The following CNTN5 variants were observed in gnomAD, a reference collection of about 807,000 sequenced individuals.
CNTN5 encodes contactin-5.
In CNTN5, 77 loss-of-function variants were observed where a neutral mutation model predicts 129.1. The observed-to-expected ratio is 0.60, with a 90% CI of 0.50 to 0.72. The LOEUF is 0.72. Among genes scored for constraint, CNTN5 ranks in the 30% least tolerant of loss-of-function variants. The pLI is 0.00. For missense variants in CNTN5, 1,478 were observed against 1,328.8 expected (o/e 1.11, Z -1.75); for synonymous variants, 509 against 465.6 (o/e 1.09, Z -1.20).
chr11:99,580,600 T>G (rs1043239016), intron 3 of CNTN5, among the ~76,000 whole-genome samples: 3 of 152,232 alleles, frequency 2.0e-5, no homozygotes, highest in African/African-American at 7.2e-5. Context: ...TCTTCTAGAT[T>G]TTCTAGTTTA....
intron 1 of CNTN5, among the ~76,000 whole-genome samples, chr11:99,233,654 T>A (rs1418176093): frequency 6.6e-6 from 1 of 152,160 alleles, no homozygotes; most frequent in East Asian, 1.9e-4. Context: ...GTGTATTAAA[T>A]AATTTGTTTT....
rs112298340 is a variant in CNTN5 at position 100,245,640 on chromosome 11, T to C, written c.2006-10120T>C. On this transcript the variant is annotated intron_variant, in intron 16 of 24. Coordinates refer to ENST00000524871, the MANE Select transcript of CNTN5 (RefSeq NM_014361.4). Reference sequence around the variant, plus strand: ...TACCTCGAAATTCATTTTCAATCAATAAAAATATTATTTGCCCCTGCTCAT... The same window carrying C: ...TACCTCGAAATTCATTTTCAATCAACAAAAATATTATTTGCCCCTGCTCAT... Among the ~76,000 whole-genome samples, 691 of 152,258 alleles carry C rather than the reference T, an allele frequency of 4.5e-3. 3 individuals are homozygous for C. Among genetic ancestry groups the C allele is most frequent in the Admixed American group, 8.0e-3 (123 of 15,282 alleles).
chr11:99,484,612 A>T (rs1001210178), intron 2 of CNTN5, among the ~76,000 whole-genome samples: 3 of 152,160 alleles, frequency 2.0e-5, no homozygotes, highest in Admixed American at 1.3e-4. Flanking sequence ...ACAACAACCC[A>T]TTTATGTTCA....
intron 2 of CNTN5, among the ~76,000 whole-genome samples, chr11:99,526,460 T>C (rs932510585): frequency 3.3e-5 from 5 of 152,156 alleles, no homozygotes; most frequent in African/African-American, 1.2e-4. Flanking sequence ...AGAGATGAAA[T>C]AGTTTTATGC....
chr11:99,576,102 A>G (rs1442650252), intron 3 of CNTN5, among the ~76,000 whole-genome samples: 4 of 152,226 alleles, frequency 2.6e-5, no homozygotes, highest in Non-Finnish European at 4.4e-5. Context: ...CAAAACAAAA[A>G]TAGAAACAAA....
intron 2 of CNTN5, among the ~76,000 whole-genome samples, chr11:99,345,682 T>C (rs183147438): frequency 9.2e-5 from 14 of 152,348 alleles, no homozygotes; most frequent in African/African-American, 3.1e-4. Context: ...ATGTTAAGAA[T>C]GATATGCTTG....
intron 8 of CNTN5, among the ~76,000 whole-genome samples, chr11:99,960,522 C>T (rs1591484630): frequency 6.6e-6 from 1 of 151,998 alleles, no homozygotes; most frequent in Admixed American, 6.6e-5. Context: ...GGTTTTTAAG[C>T]CACTTCCTAG....
chr11:99,276,820 TAGTC>T (rs1405804609), intron 1 of CNTN5, among the ~76,000 whole-genome samples: 4 of 151,584 alleles, frequency 2.6e-5, no homozygotes, highest in Non-Finnish European at 4.4e-5. Flanking sequence ...TGTCATAATT[TAGTC>T]ATTCTATCAC....
Position 99,819,551 on chromosome 11 carries a change from A to G in CNTN5, c.63A>G (p.Ser21=), listed in dbSNP as rs769441323. The G allele has an allele frequency of 1.2e-6, 2 of 1,610,292 alleles. No individual in the cohort carries two copies. Among genetic ancestry groups the G allele is most frequent in the Non-Finnish European group, 8.5e-7 (1 of 1,177,842 alleles). Residue 21 remains serine (S), a synonymous_variant, in exon 4 of 25, where the codon TCA becomes TCG. Transcript: ENST00000524871. ...ATATTTTTTCTCTTACAGAGTATTC[A>G]AAATCTCTTCCTGGTCTCTCCACTT... ...LSVTMCLSEY[S]KSLPGLSTSY...
chr11:99,348,881 C>A (rs536807371), intron 2 of CNTN5, among the ~76,000 whole-genome samples: 30 of 152,318 alleles, frequency 2.0e-4, no homozygotes, highest in Middle Eastern at 3.4e-3. Context: ...TGTGTTCAAT[C>A]ATTGATACGT....
chr11:99,672,383 G>C (rs1002991043), intron 3 of CNTN5, among the ~76,000 whole-genome samples: 1 of 151,884 alleles, frequency 6.6e-6, no homozygotes, highest in Non-Finnish European at 1.5e-5. Context: ...TGGGCTCACT[G>C]TAGATAGGTG....
At chr11:99,174,980 T>G (rs1185137036) in intron 1 of CNTN5, among the ~76,000 whole-genome samples, 1 of 152,124 alleles carries the variant, frequency 6.6e-6, no homozygotes, top group Non-Finnish European at 1.5e-5. Flanking sequence ...ATGCCTGTAA[T>G]TCCAGTGCTT....
intron 18 of CNTN5, among the ~76,000 whole-genome samples, chr11:100,284,321 A>G (rs1232652801): frequency 2.6e-5 from 4 of 152,224 alleles, no homozygotes; most frequent in Non-Finnish European, 5.9e-5. Flanking sequence ...CTATTCTGCC[A>G]TCTTGCTCTG....
chr11:99,587,624 GAT>G (rs1273570831), intron 3 of CNTN5, among the ~76,000 whole-genome samples: 16 of 151,618 alleles, frequency 1.1e-4, no homozygotes, highest in Admixed American at 1.0e-3. Context: ...GAATTTGAAA[GAT>G]GTGTGTGGGA....
chr11:100,336,879 G>A, intron 21 of CNTN5: 1 of 525,312 alleles, frequency 1.9e-6, no homozygotes, highest in Non-Finnish European at 3.4e-6. Context: ...GGATTTGAAA[G>A]CTATAGCAGC....
At chr11:99,826,326 G>A (rs777520593) in intron 4 of CNTN5, among the ~76,000 whole-genome samples, 2 of 152,050 alleles carry the variant, frequency 1.3e-5, no homozygotes, top group Non-Finnish European at 2.9e-5. Context: ...CACTTTCCCT[G>A]GGAATAGCTT....
intron 3 of CNTN5, among the ~76,000 whole-genome samples, chr11:99,782,014 T>C (rs1356484909): frequency 6.6e-6 from 1 of 150,726 alleles, no homozygotes. Flanking sequence ...AGGTATTCAA[T>C]TAGGAAAAGA....
chr11:99,371,883 G>A (rs931708468), intron 2 of CNTN5, among the ~76,000 whole-genome samples: 5 of 152,102 alleles, frequency 3.3e-5, no homozygotes, highest in African/African-American at 1.2e-4. Context: ...GTTTAAACAG[G>A]CTTCTGCCCA....
At chr11:99,887,032 G>T (rs1279026265) in intron 6 of CNTN5, among the ~76,000 whole-genome samples, 3 of 152,040 alleles carry the variant, frequency 2.0e-5, no homozygotes, top group Non-Finnish European at 2.9e-5. Flanking sequence ...TACTGTGGCT[G>T]GTTCATTGGT....
Sources: allele counts gnomAD v4.1 joint callset (sites outside exome capture counted in the v4.1 genomes callset), GRCh38; gene constraint gnomAD v4.1.1; transcripts MANE v1.5; gene names NCBI Gene and HGNC (gene_info 2026-07-23, HGNC 2026-07-21).